Variants in PRORP observed in about 807,000 individuals in gnomAD.
PRORP encodes the protein protein only RNase P catalytic subunit, also known as mitochondrial ribonuclease P catalytic subunit.
In PRORP, 51 loss-of-function variants were observed where a neutral mutation model predicts 59.4. That is an observed-to-expected ratio of 0.86 (90% CI 0.69 to 1.08). PRORP has a LOEUF of 1.08. Ranked by LOEUF, PRORP falls within the 50% of genes least tolerant of loss-of-function variation. The pLI is 0.00. For missense variants in PRORP, 646 were observed against 690.3 expected, an observed-to-expected ratio of 0.94 and a Z score of 0.72; for synonymous variants, 231 against 245.6, an observed-to-expected ratio of 0.94 and a Z score of 0.55.
intron 6 of PRORP, among the ~76,000 whole-genome samples, 155 bp downstream of exon 6, chr14:35,267,030 C>T (rs781427115): frequency 2.0e-5 from 3 of 150,188 alleles, no homozygotes; most frequent in Non-Finnish European, 3.0e-5. Flanking sequence ...TACAAAACTA[C>T]GGTTTCTTCT....
intron 5 of PRORP, among the ~76,000 whole-genome samples, chr14:35,203,802 C>A (rs1415355164): frequency 1.3e-5 from 2 of 152,086 alleles, no homozygotes; most frequent in Non-Finnish European, 2.9e-5. Context: ...GGGGCGGAGC[C>A]TGCAGTGAGC....
chr14:35,239,342 C>A (rs963097835), intron 5 of PRORP, among the ~76,000 whole-genome samples: 1 of 149,632 alleles, frequency 6.7e-6, no homozygotes, highest in African/African-American at 2.5e-5. Context: ...AGTAAGACTC[C>A]GTCTCAAGAA....
At chr14:35,201,387 A>G (rs894207884) in intron 5 of PRORP, among the ~76,000 whole-genome samples, 1 of 151,996 alleles carries the variant, frequency 6.6e-6, no homozygotes, top group African/African-American at 2.4e-5. Context: ...ATTATTTGGA[A>G]TTCTCCCCAT....
chr14:35,238,096 G>A (rs569728333), intron 5 of PRORP, among the ~76,000 whole-genome samples: 1 of 150,848 alleles, frequency 6.6e-6, no homozygotes, highest in East Asian at 2.0e-4. Flanking sequence ...ACCAAACACT[G>A]TATTAAAGGT....
At chr14:35,155,382 A>T (rs986842085) in intron 4 of PRORP, among the ~76,000 whole-genome samples, 28 of 152,010 alleles carry the variant, frequency 1.8e-4, no homozygotes, top group African/African-American at 5.3e-4. Context: ...TATTCTGTCT[A>T]CTTTTATATA....
chr14:35,148,184 C>T (rs766493510), intron 4 of PRORP, among the ~76,000 whole-genome samples: 5 of 152,152 alleles, frequency 3.3e-5, no homozygotes, highest in Admixed American at 1.3e-4. Context: ...GAAAGTTTTC[C>T]GTTGACTTTG....
At chr14:35,125,209 CAG>C (rs976465711) in intron 2 of PRORP, among the ~76,000 whole-genome samples, 21 of 152,012 alleles carry the variant, frequency 1.4e-4, no homozygotes, top group East Asian at 5.8e-4. Context: ...TTAGAGTGGA[CAG>C]GGGGATATTG....
intron 4 of PRORP, among the ~76,000 whole-genome samples, chr14:35,129,069 A>G (rs1193088835): frequency 6.6e-6 from 1 of 151,556 alleles, no homozygotes; most frequent in African/African-American, 2.4e-5. Context: ...TTAGCTGGGC[A>G]TGGCGGCGCA....
At chr14:35,246,615 G>A (rs1356239568) in intron 5 of PRORP, among the ~76,000 whole-genome samples, 5 of 152,070 alleles carry the variant, frequency 3.3e-5, no homozygotes, top group Non-Finnish European at 5.9e-5. Flanking sequence ...TGTTGCTATT[G>A]TCTCTAAAGT....
intron 4 of PRORP, among the ~76,000 whole-genome samples, chr14:35,145,365 T>TA (rs1240453989): frequency 6.9e-6 from 1 of 144,332 alleles, no homozygotes; most frequent in Non-Finnish European, 1.5e-5. Flanking sequence ...TTATTAATTA[T>TA]AAAAAATTTC....
At chr14:35,164,431 T>C (rs1348069539) in intron 4 of PRORP, among the ~76,000 whole-genome samples, 1 of 152,192 alleles carries the variant, frequency 6.6e-6, no homozygotes, top group African/African-American at 2.4e-5. Context: ...TGTGGTACTA[T>C]ACACCATGGA....
chr14:35,132,549 G>A (rs1207141827), intron 4 of PRORP, among the ~76,000 whole-genome samples: 8 of 151,916 alleles, frequency 5.3e-5, no homozygotes, highest in Non-Finnish European at 1.0e-4. Context: ...TTGGGAGGCC[G>A]AGGTGGGTGT....
At chr14:35,131,195 G>A (rs752170641) in intron 4 of PRORP, among the ~76,000 whole-genome samples, 7 of 151,906 alleles carry the variant, frequency 4.6e-5, no homozygotes, top group South Asian at 2.1e-4. Context: ...CACCCACCTC[G>A]GCCTCCCAAA....
At chr14:35,183,182 A>G (rs1473468945) in intron 5 of PRORP, among the ~76,000 whole-genome samples, 2 of 151,736 alleles carry the variant, frequency 1.3e-5, no homozygotes, top group African/African-American at 4.8e-5. Context: ...TTGTGTGTGT[A>G]TGCCCAAAAA....
At chr14:35,151,840 A>G (rs944749111) in intron 4 of PRORP, among the ~76,000 whole-genome samples, 3 of 151,948 alleles carry the variant, frequency 2.0e-5, no homozygotes, top group Non-Finnish European at 4.4e-5. Flanking sequence ...GTTACCATTT[A>G]CTGAATTCTT....
intron 4 of PRORP, among the ~76,000 whole-genome samples, chr14:35,162,236 A>C (rs2048078214): frequency 6.6e-6 from 1 of 152,124 alleles, no homozygotes; most frequent in African/African-American, 2.4e-5. Context: ...TATAAGATAG[A>C]TTCCCACAAA....
chr14:35,273,163 G>A (rs1007865871), intron 7 of PRORP, among the ~76,000 whole-genome samples: 1 of 152,180 alleles, frequency 6.6e-6, no homozygotes, highest in African/African-American at 2.4e-5. Flanking sequence ...ACACAAAACT[G>A]ATAGAGCCAA....
Position 35,274,159 on chromosome 14 carries a change from T to C in PRORP, c.*593T>C. 1 of 152,138 alleles carries C rather than the reference T, an allele frequency of 6.6e-6. No homozygotes were observed. The highest frequency in any genetic ancestry group is 1.9e-4 in the East Asian group (1 of 5,190). The allele number at this position is 152,138 out of a possible 1,614,324, so 9.4% of individuals were successfully genotyped here. A position where few individuals can be genotyped will look rare whatever the true frequency, so the allele number is the denominator to read the frequency against. On this transcript the variant is annotated 3_prime_UTR_variant, in exon 8 of 8. Transcript: ENST00000534898. The stretch of plus-strand genomic sequence containing the variant: ...TCACTCCTCTTTTTCTTATTTTTTT[T>C]GGAAATAGAGTCTCAACTTACTCTG...
At chr14:35,172,252 T>C (rs186912943) in intron 4 of PRORP, among the ~76,000 whole-genome samples, 1 of 152,068 alleles carries the variant, frequency 6.6e-6, no homozygotes, top group Non-Finnish European at 1.5e-5. Context: ...TTTCACTTTA[T>C]TGGCCAGGCT....
Sources: allele counts gnomAD v4.1 joint callset (sites outside exome capture counted in the v4.1 genomes callset), GRCh38; gene constraint gnomAD v4.1.1; transcripts MANE v1.5; gene names NCBI Gene and HGNC (gene_info 2026-07-23, HGNC 2026-07-21).